The following PRUNE1 variants were observed in gnomAD, a reference collection of about 807,000 sequenced individuals.
The protein encoded by PRUNE1 is exopolyphosphatase PRUNE1.
PRUNE1 carries 25 observed loss-of-function variants against 42.5 expected under a neutral mutation model. The observed-to-expected ratio is 0.59, with a 90% confidence interval of 0.43 to 0.82. The LOEUF (loss-of-function observed/expected upper bound fraction) is 0.82. Ranked by LOEUF, PRUNE1 falls within the 40% of genes least tolerant of loss-of-function variation. The pLI, the probability that PRUNE1 is intolerant of heterozygous loss-of-function variation, is 0.00. For missense variants in PRUNE1, 443 were observed against 539.3 expected, an observed-to-expected ratio of 0.82 and a Z score of 1.77; for synonymous variants, 203 against 217.1, an observed-to-expected ratio of 0.93 and a Z score of 0.57.
In PRUNE1 at chr1:151,035,029, G is replaced by A. The variant is rs992790669; in HGVS notation, c.*795G>A. 2.0e-5 allele frequency: 3 copies of A among 152,196 alleles called. No homozygotes were observed. Among genetic ancestry groups the A allele is most frequent in the Admixed American group, 6.5e-5 (1 of 15,278 alleles). 9.4% of individuals were successfully genotyped at this position (152,196 alleles called of 1,614,324 possible). On this transcript the variant is annotated 3_prime_UTR_variant, in exon 8 of 8. Transcript: ENST00000271620. ...AACAGAACTGGAATGAGAGGCCTGGGTCTGTCTCCTGCCTTAGCAGGCCTA... is the reference window on the plus strand; with the variant it reads ...AACAGAACTGGAATGAGAGGCCTGGATCTGTCTCCTGCCTTAGCAGGCCTA...
intron 1 of PRUNE1, among the ~76,000 whole-genome samples, chr1:151,014,074 G>A (rs1673948025): frequency 6.6e-6 from 1 of 151,946 alleles, no homozygotes; most frequent in South Asian, 2.1e-4. Flanking sequence ...CCGCCTCCCG[G>A]GTGCAAAAGA....
chr1:151,022,492 C>G (rs1275823222), intron 3 of PRUNE1, among the ~76,000 whole-genome samples: 1 of 150,248 alleles, frequency 6.7e-6, no homozygotes, highest in African/African-American at 2.4e-5. Context: ...GATCTCGGCT[C>G]ACTGCAAGCT....
At chr1:151,027,767 T>TGCGC (rs1168514847) in intron 6 of PRUNE1, among the ~76,000 whole-genome samples, 8 of 148,320 alleles carry the variant, frequency 5.4e-5, no homozygotes, top group African/African-American at 1.5e-4. Context: ...TGTGTGTGTG[T>TGCGC]GTGTGTGTGT....
intron 1 of PRUNE1, among the ~76,000 whole-genome samples, chr1:151,010,533 G>T (rs2102893637): frequency 6.6e-6 from 1 of 152,264 alleles, no homozygotes; most frequent in South Asian, 2.1e-4. Flanking sequence ...TGTGAAAGGT[G>T]AGATTGTGTC....
chr1:151,008,638 G>A lies in PRUNE1; in HGVS notation c.6G>A (p.Glu2=). The change falls in exon 1 of 8, where the codon GAG becomes GAA. Residue 2 remains glutamate, a synonymous_variant. Coordinates refer to ENST00000271620, the MANE Select transcript of PRUNE1 (RefSeq NM_021222.3). The part of the protein sequence containing the change: M[E]DYLQGCRAAL... Reference sequence around the variant, plus strand: ...GGCGTACTTTGGGCTTCATCATGGAGGACTACCTGCAGGGTTGTCGAGCTG... The same window carrying A: ...GGCGTACTTTGGGCTTCATCATGGAAGACTACCTGCAGGGTTGTCGAGCTG... The A allele has an allele frequency of 6.2e-7, 1 of 1,614,202 alleles. No individual in the cohort carries two copies. The highest frequency in any genetic ancestry group is 8.5e-7 in the Non-Finnish European group (1 of 1,180,028).
chr1:151,021,070 C>G (rs1167614958), intron 3 of PRUNE1, among the ~76,000 whole-genome samples: 1 of 145,814 alleles, frequency 6.9e-6, no homozygotes, highest in African/African-American at 2.6e-5. Flanking sequence ...TCGCTTGAAC[C>G]TAGGAGGTGG....
rs755786826 is a variant in PRUNE1 at position 151,034,272 on chromosome 1, G to A, written c.*38G>A. ...GAGGAGGTAGTGGGTGAGGCTACCTGACTCACTTCAAATGCATGTTTTGAG... is the reference window on the plus strand; with the variant it reads ...GAGGAGGTAGTGGGTGAGGCTACCTAACTCACTTCAAATGCATGTTTTGAG... On this transcript the variant is annotated 3_prime_UTR_variant, in exon 8 of 8. Coordinates refer to ENST00000271620, the MANE Select transcript of PRUNE1 (RefSeq NM_021222.3). The A allele has an allele frequency of 1.9e-6, 3 of 1,564,878 alleles. No individual in the cohort carries two copies. The Admixed American group carries it at 5.1e-5, about 27-fold the overall frequency.
chr1:151,034,562 G>A lies in PRUNE1; in HGVS notation c.*328G>A, dbSNP rs141622903. 25 of 290,118 alleles carry A rather than the reference G, an allele frequency of 8.6e-5. No individual in the cohort carries two copies. Among genetic ancestry groups the A allele is most frequent in the Non-Finnish European group, 1.4e-4 (21 of 151,642 alleles). 18.0% of individuals were successfully genotyped at this position (290,118 alleles called of 1,614,324 possible). On this transcript the variant is annotated 3_prime_UTR_variant, in exon 8 of 8. Coordinates refer to ENST00000271620, the MANE Select transcript of PRUNE1 (RefSeq NM_021222.3). ...GAATTTAGACCCCAAAAGTGTCCTC[G>A]GCATGGATCTTGAACAGAACCAGTA...
chr1:151,031,504 A>T (rs1675247232), intron 7 of PRUNE1, among the ~76,000 whole-genome samples: 2 of 152,016 alleles, frequency 1.3e-5, no homozygotes, highest in South Asian at 2.1e-4. Flanking sequence ...CTTTTCTTAC[A>T]GTCTACTCTA....
chr1:151,008,852 G>T, intron 1 of PRUNE1, 181 bp downstream of exon 1: 1 of 774,124 alleles, frequency 1.3e-6, no homozygotes. Flanking sequence ...CAGTTTAGGA[G>T]CGTGAGAATG....
chr1:151,022,311 T>C (rs1455831778), intron 3 of PRUNE1, among the ~76,000 whole-genome samples: 2 of 151,464 alleles, frequency 1.3e-5, no homozygotes. Flanking sequence ...GGTTTCACCA[T>C]GTTGGCAAGG....
chr1:151,028,683 A>G, intron 6 of PRUNE1, 103 bp from the exon 7 acceptor site: 2 of 1,254,998 alleles, frequency 1.6e-6, no homozygotes, highest in African/African-American at 1.5e-5. Flanking sequence ...TCGGCCTCCC[A>G]AAGTGCTAGG....
chr1:151,028,712 C>A, intron 6 of PRUNE1, 74 bp from the exon 7 acceptor site: 1 of 1,506,736 alleles, frequency 6.6e-7, no homozygotes, highest in South Asian at 1.2e-5. Context: ...CGTAAGCGAC[C>A]GTGCCCGGCC....
chr1:151,010,449 C>A (rs182345665), intron 1 of PRUNE1, among the ~76,000 whole-genome samples: 91 of 152,232 alleles, frequency 6.0e-4, no homozygotes, highest in African/African-American at 2.2e-3. Context: ...ATACTGCTGG[C>A]ATCTCGACCT....
intron 7 of PRUNE1, among the ~76,000 whole-genome samples, chr1:151,030,276 A>C (rs1206576986): frequency 6.6e-6 from 1 of 151,700 alleles, no homozygotes; most frequent in Non-Finnish European, 1.5e-5. Flanking sequence ...AAAAAAAAAA[A>C]AAAAGGTGGG....
Position 151,028,956 on chromosome 1 carries a change from T to A in PRUNE1, c.933+12T>A, listed in dbSNP as rs776909066. On this transcript the variant is annotated intron_variant, in intron 7 of 7. Coordinates refer to ENST00000271620, the MANE Select transcript of PRUNE1 (RefSeq NM_021222.3). ...CACTCCAAACAACGGTGAGTCTGTG[T>A]CCCTTCTCCAACCTAAGAGCCTTAC... 1.2e-6 allele frequency: 2 copies of A among 1,606,926 alleles called. No homozygotes were observed. Among genetic ancestry groups the A allele is most frequent in the East Asian group, 4.5e-5 (2 of 44,848 alleles).
intron 3 of PRUNE1, among the ~76,000 whole-genome samples, chr1:151,021,842 G>T (rs866344464): frequency 1.3e-5 from 2 of 150,612 alleles, no homozygotes; most frequent in South Asian, 2.1e-4. Context: ...GTGTGTGTGT[G>T]TTTTTAGTAG....
chr1:151,015,530 AG>A lies in PRUNE1; in HGVS notation c.40-2280del, dbSNP rs587618532. On this transcript the variant is annotated intron_variant, in intron 1 of 7. Coordinates refer to ENST00000271620, the MANE Select transcript of PRUNE1 (RefSeq NM_021222.3). ...GTGCCTGTAATCCCAGCTACTCAGG[AG>A]GCTGAGGCAAGAGAATCTCTTGAAC... 3.0e-3 allele frequency among the ~76,000 whole-genome samples: 456 copies of A among 150,712 alleles called. 2 individuals are homozygous for A. Among genetic ancestry groups the A allele is most frequent in the South Asian group, 8.0e-3 (38 of 4,736 alleles).
At position 151,032,038 on chromosome 1, in the gene PRUNE1, A is replaced by C. The variant is rs867471913; in HGVS notation, c.934-1768A>C. On this transcript the variant is annotated intron_variant, in intron 7 of 7. Coordinates refer to ENST00000271620, the MANE Select transcript of PRUNE1 (RefSeq NM_021222.3). The stretch of plus-strand genomic sequence containing the variant: ...GCTGGGCAGATCACCTGAGCTCAGG[A>C]GTTTGAGACCAGCCTGGCCAATATG... 9.2e-5 allele frequency among the ~76,000 whole-genome samples: 14 copies of C among 152,290 alleles called. No homozygotes were observed. In the South Asian group the frequency reaches 2.9e-3, roughly 32 times the overall value.
Sources: gnomAD v4.1 joint callset for allele counts (sites outside exome capture counted in the v4.1 genomes callset) on GRCh38, gnomAD v4.1.1 for gene constraint, MANE v1.5 for transcripts, NCBI Gene and HGNC (gene_info 2026-07-23, HGNC 2026-07-21) for gene names.